The following SAMD12 variants were observed in gnomAD, a reference collection of about 807,000 sequenced individuals.
SAMD12 encodes the protein sterile alpha motif domain containing 12, also known as sterile alpha motif domain-containing protein 12.
Under a neutral mutation model 15.0 loss-of-function variants are expected in SAMD12, and 9 were observed. The observed-to-expected ratio is 0.60, with a 90% confidence interval of 0.36 to 1.05. SAMD12 has a LOEUF of 1.05. Among genes scored for constraint, SAMD12 ranks in the 50% least tolerant of loss-of-function variants. The pLI is 0.01. For missense variants in SAMD12, 230 were observed against 234.2 expected (o/e 0.98, Z 0.12); for synonymous variants, 86 against 90.1 (o/e 0.96, Z 0.25).
At chr8:118,349,886 G>A (rs1416875158) in intron 4 of SAMD12, among the ~76,000 whole-genome samples, 1 of 152,152 alleles carries the variant, frequency 6.6e-6, no homozygotes, top group East Asian at 1.9e-4. Flanking sequence ...CCAGTACCTT[G>A]GGAAGCTAAG....
intron 2 of SAMD12, among the ~76,000 whole-genome samples, chr8:118,531,911 C>A (rs1825698006): frequency 6.6e-6 from 1 of 152,256 alleles, no homozygotes; most frequent in African/African-American, 2.4e-5. Context: ...TAATTGAATA[C>A]CCTTTATTTC....
chr8:118,458,577 C>A (rs1471464982), intron 2 of SAMD12, among the ~76,000 whole-genome samples: 4 of 152,110 alleles, frequency 2.6e-5, no homozygotes, highest in African/African-American at 9.7e-5. Context: ...AAAAAGATTC[C>A]AAACTCATTT....
intron 4 of SAMD12, among the ~76,000 whole-genome samples, chr8:118,320,672 T>G (rs1387304235): frequency 8.8e-3 from 747 of 84,844 alleles, no homozygotes; most frequent in South Asian, 0.013. Flanking sequence ...TGTCGTGGGG[T>G]GGGGGGGGTG....
At chr8:118,533,258 G>C (rs1246997020) in intron 2 of SAMD12, among the ~76,000 whole-genome samples, 1 of 152,168 alleles carries the variant, frequency 6.6e-6, no homozygotes, top group Non-Finnish European at 1.5e-5. Flanking sequence ...TTTTGAGTGA[G>C]TTTCTTAATC....
intron 3 of SAMD12, among the ~76,000 whole-genome samples, chr8:118,415,518 A>G (rs370255029): frequency 6.6e-6 from 1 of 150,706 alleles, no homozygotes; most frequent in African/African-American, 2.4e-5. Context: ...GTTGCTTTAT[A>G]TTCTAAAAAT....
chr8:118,536,346 T>C (rs964617094), intron 2 of SAMD12, among the ~76,000 whole-genome samples: 2 of 152,132 alleles, frequency 1.3e-5, no homozygotes, highest in Non-Finnish European at 2.9e-5. Flanking sequence ...TACTATTTAG[T>C]TACCTCTGTA....
At chr8:118,338,092 G>A (rs1191981406) in intron 4 of SAMD12, among the ~76,000 whole-genome samples, 1 of 152,116 alleles carries the variant, frequency 6.6e-6, no homozygotes, top group African/African-American at 2.4e-5. Flanking sequence ...CAGAAGTCTT[G>A]GGCCATGAGA....
chr8:118,529,198 T>A (rs1825617660), intron 2 of SAMD12, among the ~76,000 whole-genome samples: 1 of 152,174 alleles, frequency 6.6e-6, no homozygotes, highest in Non-Finnish European at 1.5e-5. Context: ...TCCCTCTTAA[T>A]CTGTTTCATT....
chr8:118,163,075 C>T, the SAMD12 span, among the ~76,000 whole-genome samples: 2 of 152,070 alleles, frequency 1.3e-5, no homozygotes, highest in East Asian at 3.8e-4. Flanking sequence ...TTTAAAAGAA[C>T]ACAGATGGAA....
chr8:118,335,826 C>T (rs6993640), intron 4 of SAMD12, among the ~76,000 whole-genome samples: 71,012 of 151,948 alleles, frequency 0.47, 18,336 homozygotes, highest in African/African-American at 0.71. Context: ...ACCGCAGCCT[C>T]GACCTGCTTG....
intron 2 of SAMD12, among the ~76,000 whole-genome samples, chr8:118,484,555 A>G (rs1824224479): frequency 6.6e-6 from 1 of 152,198 alleles, no homozygotes; most frequent in African/African-American, 2.4e-5. Context: ...CTCCAAACTC[A>G]TCAAGTTGTA....
chr8:118,341,768 A>G (rs1817377518), intron 4 of SAMD12, among the ~76,000 whole-genome samples: 1 of 152,236 alleles, frequency 6.6e-6, no homozygotes, highest in Middle Eastern at 3.2e-3. Flanking sequence ...CAATTTCGGG[A>G]GGGCACAAAC....
At chr8:118,314,922 C>A (rs1272989468) in intron 4 of SAMD12, among the ~76,000 whole-genome samples, 2 of 152,146 alleles carry the variant, frequency 1.3e-5, no homozygotes, top group Non-Finnish European at 2.9e-5. Context: ...TTTTCTGGGA[C>A]AAATGTCCAA....
chr8:118,278,136 T>C (rs1050837841), intron 4 of SAMD12, among the ~76,000 whole-genome samples: 1 of 152,204 alleles, frequency 6.6e-6, no homozygotes, highest in Non-Finnish European at 1.5e-5. Flanking sequence ...ATTTTTACTT[T>C]TGACCAAATA....
intron 4 of SAMD12, among the ~76,000 whole-genome samples, chr8:118,287,624 A>G (rs1383410437): frequency 2.6e-5 from 4 of 152,148 alleles, no homozygotes; most frequent in African/African-American, 9.7e-5. Context: ...TCACCTGTAT[A>G]ACTCATGATA....
At chr8:118,295,021 A>G (rs1814632140) in intron 4 of SAMD12, among the ~76,000 whole-genome samples, 1 of 152,188 alleles carries the variant, frequency 6.6e-6, no homozygotes, top group Non-Finnish European at 1.5e-5. Context: ...GCTGGCAGTT[A>G]GAAAGAAGAA....
At chr8:118,197,795 T>G in intron 4 of SAMD12, 3 of 1,411,600 alleles carry the variant, frequency 2.1e-6, no homozygotes, top group East Asian at 4.5e-5. Flanking sequence ...GGCACTGATA[T>G]GTAGCAATTA....
At chr8:118,282,851 T>C (rs529998185) in intron 4 of SAMD12, among the ~76,000 whole-genome samples, 5 of 151,970 alleles carry the variant, frequency 3.3e-5, no homozygotes, top group South Asian at 4.1e-4. Context: ...TGTATAGATA[T>C]GTGTGTGTGT....
intron 4 of SAMD12, among the ~76,000 whole-genome samples, chr8:118,243,233 T>C (rs1158964381): frequency 6.6e-6 from 1 of 152,160 alleles, no homozygotes; most frequent in Non-Finnish European, 1.5e-5. Flanking sequence ...ATGGATTGCA[T>C]ATATATCCAC....
Sources: gnomAD v4.1 joint callset for allele counts (sites outside exome capture counted in the v4.1 genomes callset) on GRCh38, gnomAD v4.1.1 for gene constraint, MANE v1.5 for transcripts, NCBI Gene and HGNC (gene_info 2026-07-23, HGNC 2026-07-21) for gene names.